The following TTN variants were observed in gnomAD, a reference collection of about 807,000 sequenced individuals.
TTN encodes connectin.
Under a neutral mutation model 3,223.0 loss-of-function variants are expected in TTN, and 1,525 were observed. The observed-to-expected ratio is 0.47, with a 90% CI of 0.45 to 0.49. The LOEUF (loss-of-function observed/expected upper bound fraction) is 0.49, where lower values mean the gene tolerates loss of function less well. Among genes scored for constraint, TTN ranks in the 20% least tolerant of loss-of-function variants. The pLI, the probability that TTN is intolerant of heterozygous loss-of-function variation, is 0.00. For synonymous variants in TTN, 14,094 were observed against 15,161.0 expected (o/e 0.93, Z 5.17); for missense variants, 40,786 against 43,424.0 (o/e 0.94, Z 5.40).
Position 178,668,872 on chromosome 2 carries a change from A to C in TTN, c.35545+501T>G, listed in dbSNP as rs1160927617. 1.2e-3 allele frequency among the ~76,000 whole-genome samples: 172 copies of C among 145,378 alleles called. 1 individual carries two copies. In the East Asian group the frequency reaches 0.03, roughly 25 times the overall value. On this transcript the variant is annotated intron_variant, in intron 159 of 362. Coordinates refer to ENST00000589042, the MANE Select transcript of TTN (RefSeq NM_001267550.2). ...TTATTTAAACCTAATTTTGTATGAAACCCCCCCCCAAAAAAAAAGGTCGTG... is the reference window on the plus strand; with the variant it reads ...TTATTTAAACCTAATTTTGTATGAACCCCCCCCCCAAAAAAAAAGGTCGTG...
At chr2:178,770,033 G>T (rs2091242673) in intron 36 of TTN, 27 bp downstream of exon 36, 1 of 1,613,978 alleles carries the variant, frequency 6.2e-7, no homozygotes, top group Admixed American at 1.7e-5. Context: ...TTAAGGAAAG[G>T]GCTGTAGGGG....
intron 213 of TTN, among the ~76,000 whole-genome samples, chr2:178,647,693 T>C (rs1472313310): frequency 6.6e-6 from 1 of 152,108 alleles, no homozygotes; most frequent in Non-Finnish European, 1.5e-5. Flanking sequence ...TGGTCTAACT[T>C]TGACACTTAA....
chr2:178,714,361 C>T lies in TTN; in HGVS notation c.26413G>A (p.Gly8805Arg), dbSNP rs756620595. The T allele has an allele frequency of 6.2e-7, 1 of 1,613,758 alleles. No individual in the cohort carries two copies. The highest frequency in any genetic ancestry group is 1.3e-5 in the African/African-American group (1 of 75,012). The change falls in exon 91 of 363, where the codon GGA becomes AGA. Residue 8805 changes from glycine to arginine, a missense_variant. Physicochemically the swap from Gly to Arg is moderately radical, Grantham distance 125. Transcript: ENST00000589042. ...TTTTTGATCTGACAAGTGTATTTTC[C>T]AGCATTGGCTGGTTCCACTCTTGAA... is the stretch of plus-strand genomic sequence containing the variant. Reference protein sequence around the residue: ...QFSRVEPANAGKYTCQIKNDA... With the variant: ...QFSRVEPANARKYTCQIKNDA...
chr2:178,604,642 TAA>T, intron 281 of TTN, 64 bp downstream of exon 281: 1 of 1,460,788 alleles, frequency 6.8e-7, no homozygotes, highest in Non-Finnish European at 9.2e-7. Flanking sequence ...AAGGTTATAT[TAA>T]AATGGCATCA....
Position 178,536,540 on chromosome 2 carries a change from C to T in TTN, c.100207G>A (p.Ala33403Thr). 6.6e-7 allele frequency: 1 copy of T among 1,516,118 alleles called. No individual in the cohort carries two copies. The highest frequency in any genetic ancestry group is 8.8e-7 in the Non-Finnish European group (1 of 1,136,792). The allele number at this position is 1,516,118 out of a possible 1,614,324, so 93.9% of individuals were successfully genotyped here. Residue 33403 changes from alanine (A) to threonine (T), a missense_variant, in exon 357 of 363, where the codon GCT (alanine) becomes ACT (threonine). Transcript: ENST00000589042. Reference sequence around the variant, plus strand: ...ACAACACAAGAATCTTTTGTGACAGCAGTAATAGTTGGTTTGCCAGGAGCA... The same window carrying T: ...ACAACACAAGAATCTTTTGTGACAGTAGTAATAGTTGGTTTGCCAGGAGCA... ...PGAPGKPTITAVTKDSCVVAW... is the reference protein window; with the variant it reads ...PGAPGKPTITTVTKDSCVVAW...
intron 126 of TTN, 116 bp from the exon 127 acceptor site, chr2:178,688,340 T>C: frequency 3.3e-6 from 3 of 911,492 alleles, no homozygotes; most frequent in South Asian, 2.9e-5. Flanking sequence ...CATAGCTTCA[T>C]GGTACTTCCT....
At position 178,562,503 on chromosome 2, in the gene TTN, G is replaced by A. The variant is rs527624888; in HGVS notation, c.83629C>T (p.Arg27877Cys). The A allele has an allele frequency of 1.9e-5, 31 of 1,612,468 alleles. No homozygotes were observed. The highest frequency in any genetic ancestry group is 3.3e-4 in the Middle Eastern group (2 of 6,052). Reference protein sequence around the residue: ...PGRVTLVDVTRNTATIKWEKP... With the variant: ...PGRVTLVDVTCNTATIKWEKP... ...TCCCACTTAATTGTAGCTGTATTAC[G>A]GGTCACATCAACAAGAGTTACTCTT... is the stretch of plus-strand genomic sequence containing the variant. Residue 27877 changes from arginine (R) to cysteine (C), a missense_variant, in exon 326 of 363, where the codon CGT (arginine) becomes TGT (cysteine). Transcript: ENST00000589042.
Position 178,698,919 on chromosome 2 carries a change from A to C in TTN, c.30683-5T>G. On this transcript the variant is annotated splice_polypyrimidine_tract_variant and splice_region_variant and intron_variant, in intron 111 of 362. Transcript: ENST00000589042. The stretch of plus-strand genomic sequence containing the variant: ...TCTTCACAGCCTTTTTGGTAACTAA[A>C]AAAAAAAAAAAAGAAAAAAAAAGAA... 1 of 1,279,048 alleles carries C rather than the reference A, an allele frequency of 7.8e-7. No homozygotes were observed. The allele number at this position is 1,279,048 out of a possible 1,614,324, so 79.2% of individuals were successfully genotyped here. A position where few individuals can be genotyped will look rare whatever the true frequency, so the allele number is the denominator to read the frequency against.
Position 178,530,399 on chromosome 2 carries a change from T to G in TTN, c.106216A>C (p.Arg35406=), listed in dbSNP as rs1558985199. The change falls in exon 358 of 363, where the codon AGA becomes CGA. Residue 35406 remains arginine (R), a synonymous_variant. Coordinates refer to ENST00000589042, the MANE Select transcript of TTN (RefSeq NM_001267550.2). ...DQKTTESTVT[R]KTEPKAPEPI... ...TCAGGAGCTTTTGGTTCAGTTTTTC[T>G]GGTTACTGTTGACTCAGTGGTTTTC... is the stretch of plus-strand genomic sequence containing the variant. 6.2e-7 allele frequency: 1 copy of G among 1,614,008 alleles called. No homozygotes were observed. The highest frequency in any genetic ancestry group is 2.2e-5 in the East Asian group (1 of 44,880).
chr2:178,730,030 C>A, intron 62 of TTN, 63 bp downstream of exon 62: 1 of 1,589,778 alleles, frequency 6.3e-7, no homozygotes, highest in Non-Finnish European at 8.6e-7. Flanking sequence ...GTCCCCCGCC[C>A]CGGCCCACCC....
Position 178,770,400 on chromosome 2 carries a change from A to G in TTN, c.8380+12T>C. ...GGCTGACTGCTTGAAAAGTGTTTCT[A>G]AATCAACTTACTCTCCACGTGCAGT... is the stretch of plus-strand genomic sequence containing the variant. On this transcript the variant is annotated intron_variant, in intron 35 of 362. Coordinates refer to ENST00000589042, the MANE Select transcript of TTN (RefSeq NM_001267550.2). The G allele has an allele frequency of 6.2e-7, 1 of 1,614,162 alleles. No homozygotes were observed. The highest frequency in any genetic ancestry group is 8.5e-7 in the Non-Finnish European group (1 of 1,180,028).
At chr2:178,794,684 TAC>T in intron 7 of TTN, 133 bp from the exon 8 acceptor site, 2 of 1,163,766 alleles carry the variant, frequency 1.7e-6, no homozygotes, top group East Asian at 2.5e-5. Context: ...TGCCAAGAAA[TAC>T]AGAGACTGTA....
chr2:178,644,358 A>ATTT (rs2061604942), intron 218 of TTN, 190 bp downstream of exon 218: 3 of 481,886 alleles, frequency 6.2e-6, no homozygotes, highest in Non-Finnish European at 1.1e-5. Flanking sequence ...TACATGTATG[A>ATTT]AATGGATGGG....
chr2:178,715,564 C>A lies in TTN; in HGVS notation c.25850G>T (p.Ser8617Ile). 6.2e-7 allele frequency: 1 copy of A among 1,613,620 alleles called. No homozygotes were observed. Among genetic ancestry groups the A allele is most frequent in the Non-Finnish European group, 8.5e-7 (1 of 1,179,650 alleles). Reference sequence around the variant, plus strand: ...GTGGGCCTCACAGGTGTAGTCTCCACTGTCTTCAACACTGAGATTGTGCAT... The same window carrying A: ...GTGGGCCTCACAGGTGTAGTCTCCAATGTCTTCAACACTGAGATTGTGCAT... ...LEMHNLSVED[S>I]GDYTCEAHNA... Residue 8617 changes from serine (S) to isoleucine (I), a missense_variant, in exon 89 of 363, where the codon AGT becomes ATT. Ser to Ile is a moderately radical substitution (Grantham distance 142). Transcript: ENST00000589042.
Position 178,682,828 on chromosome 2 carries a change from T to G in TTN, c.32963A>C (p.Glu10988Ala), listed in dbSNP as rs1228441857. The change falls in exon 135 of 363, where the codon GAA becomes GCA. Residue 10988 changes from glutamate to alanine, a missense_variant. Coordinates refer to ENST00000589042, the MANE Select transcript of TTN (RefSeq NM_001267550.2). Reference sequence around the variant, plus strand: ...ATCATATTCTTCATATTCCTCATATTCTTCTTCCCGTTGTACTGAAACAGC... The same window carrying G: ...ATCATATTCTTCATATTCCTCATATGCTTCTTCCCGTTGTACTGAAACAGC... ...EEAVSVQREE[E>A]YEEYEEYDYK... 2 of 1,612,990 alleles carry G rather than the reference T, an allele frequency of 1.2e-6. No homozygotes were observed. The highest frequency in any genetic ancestry group is 2.2e-5 in the South Asian group (2 of 90,988).
At chr2:178,806,317 T>C (rs570689532) in intron 1 of TTN, among the ~76,000 whole-genome samples, 1 of 152,316 alleles carries the variant, frequency 6.6e-6, no homozygotes, top group East Asian at 1.9e-4. Context: ...CTCTTAGACA[T>C]AGAATACCTA....
chr2:178,701,591 G>T lies in TTN; in HGVS notation c.30539-4C>A, dbSNP rs375070794. The T allele has an allele frequency of 1.4e-5, 22 of 1,613,462 alleles. No individual in the cohort carries two copies. The highest frequency in any genetic ancestry group is 1.8e-5 in the Non-Finnish European group (21 of 1,179,602). On this transcript the variant is annotated splice_polypyrimidine_tract_variant and splice_region_variant and intron_variant, in intron 109 of 362. Transcript: ENST00000589042. ...GGAACTCTGGAGTCAGGAATATCTGGAAAGGGACATGTAATAAGCATAGAG... is the reference window on the plus strand; with the variant it reads ...GGAACTCTGGAGTCAGGAATATCTGTAAAGGGACATGTAATAAGCATAGAG...
At chr2:178,747,455 G>A (rs147768944) in intron 47 of TTN, 1 of 1,613,366 alleles carries the variant, frequency 6.2e-7, no homozygotes, top group Admixed American at 1.7e-5. Flanking sequence ...ATCTAACTCA[G>A]ATATTTCTTC....
intron 223 of TTN, among the ~76,000 whole-genome samples, chr2:178,639,373 A>G (rs1315373156): frequency 6.6e-6 from 1 of 152,040 alleles, no homozygotes; most frequent in Non-Finnish European, 1.5e-5. Flanking sequence ...GGATTCTTAT[A>G]TGTATACCCT....
Sources: gnomAD v4.1 joint callset for allele counts (sites outside exome capture counted in the v4.1 genomes callset) on GRCh38, gnomAD v4.1.1 for gene constraint, MANE v1.5 for transcripts, NCBI Gene and HGNC (gene_info 2026-07-23, HGNC 2026-07-21) for gene names.